Variants in COL28A1 observed in about 807,000 individuals in gnomAD.
The protein encoded by COL28A1 is collagen type XXVIII alpha 1 chain.
In COL28A1, 161 loss-of-function variants were observed where a neutral mutation model predicts 150.2. That is an observed-to-expected ratio of 1.07 (90% CI 0.94 to 1.22). COL28A1 has a LOEUF of 1.22. Among genes scored for constraint, COL28A1 ranks in the 50% most tolerant of loss-of-function variants. COL28A1 has a pLI of 0.00. For synonymous variants in COL28A1, 552 were observed against 469.7 expected (o/e 1.18, Z -2.26); for missense variants, 1,617 against 1,388.3 (o/e 1.16, Z -2.62).
At chr7:7,532,037 C>A (rs534455204) in intron 2 of COL28A1, 133 bp from the exon 3 acceptor site, 67 of 568,668 alleles carry the variant, frequency 1.2e-4, no homozygotes, top group Non-Finnish European at 2.0e-4. Flanking sequence ...AAGAGAGACA[C>A]GTTGGACAGA....
chr7:7,374,341 T>C (rs1326372568), intron 31 of COL28A1, among the ~76,000 whole-genome samples: 2 of 151,984 alleles, frequency 1.3e-5, no homozygotes, highest in Non-Finnish European at 2.9e-5. Flanking sequence ...GATGAAGTAA[T>C]GGGATGAAAA....
At chr7:7,514,533 T>A (rs181074885) in intron 8 of COL28A1, among the ~76,000 whole-genome samples, 2 of 152,340 alleles carry the variant, frequency 1.3e-5, no homozygotes, top group Non-Finnish European at 1.5e-5. Context: ...TTTATTGGCT[T>A]ACATGTAGGC....
At position 7,444,280 on chromosome 7, in the gene COL28A1, G is replaced by C. The variant is rs1209323997; in HGVS notation, c.1581+138C>G. ...CTTCTCTCAGGGAGAAGTGGAAAGG[G>C]ACATTTGGGATTGTGAGATATTTTT... On this transcript the variant is annotated intron_variant, in intron 19 of 34. Coordinates refer to ENST00000399429, the MANE Select transcript of COL28A1 (RefSeq NM_001037763.3). 8.7e-6 allele frequency: 10 copies of C among 1,155,680 alleles called. No homozygotes were observed. The East Asian group carries it at 2.5e-4, about 29-fold the overall frequency. The allele number at this position is 1,155,680 out of a possible 1,614,324, so 71.6% of individuals were successfully genotyped here.
At chr7:7,345,368 A>T in the COL28A1 span, among the ~76,000 whole-genome samples, 1 of 152,038 alleles carries the variant, frequency 6.6e-6, no homozygotes, top group Non-Finnish European at 1.5e-5. Context: ...TGGCTCAGGA[A>T]ATCAAATTAT....
At chr7:7,382,633 T>C (rs984074565) in intron 27 of COL28A1, among the ~76,000 whole-genome samples, 2 of 152,122 alleles carry the variant, frequency 1.3e-5, no homozygotes, top group African/African-American at 4.8e-5. Flanking sequence ...TATTTGACTC[T>C]GGATAATTAT....
chr7:7,540,564 T>G (rs1371643715), upstream of COL28A1, among the ~76,000 whole-genome samples: 2 of 152,254 alleles, frequency 1.3e-5, no homozygotes, highest in African/African-American at 4.8e-5. Flanking sequence ...TTTAGGTCTT[T>G]GTGCATCAAA....
chr7:7,344,824 G>A, the COL28A1 span, among the ~76,000 whole-genome samples: 1 of 152,072 alleles, frequency 6.6e-6, no homozygotes, highest in East Asian at 1.9e-4. Flanking sequence ...GCTGCAATCT[G>A]CTGGAAGGCT....
At chr7:7,347,176 C>T in the COL28A1 span, among the ~76,000 whole-genome samples, 1 of 152,010 alleles carries the variant, frequency 6.6e-6, no homozygotes, top group Admixed American at 6.6e-5. Context: ...TTTGGCCATA[C>T]CAGGCAGTGT....
chr7:7,448,876 C>G (rs1786471956), intron 18 of COL28A1, among the ~76,000 whole-genome samples: 1 of 151,834 alleles, frequency 6.6e-6, no homozygotes, highest in African/African-American at 2.4e-5. Context: ...CCATAAAAAT[C>G]TAGAAAATGC....
rs997116281 is a variant in COL28A1 at position 7,517,918 on chromosome 7, T to G, written c.814-81A>C. The G allele has an allele frequency of 1.6e-5, 25 of 1,579,244 alleles. No individual in the cohort carries two copies. The African/African-American group carries it at 2.4e-4, about 15-fold the overall frequency. On this transcript the variant is annotated intron_variant, in intron 6 of 34. Coordinates refer to ENST00000399429, the MANE Select transcript of COL28A1 (RefSeq NM_001037763.3). ...TCAATAAAATGCATTATACAGAAGA[T>G]TAATAGCTTAGCCCAATTAGGAAAC...
chr7:7,372,469 A>G (rs1057365780), intron 32 of COL28A1, among the ~76,000 whole-genome samples: 1 of 152,072 alleles, frequency 6.6e-6, no homozygotes, highest in Non-Finnish European at 1.5e-5. Context: ...TAAATTCCCG[A>G]TATCAACCTG....
intron 18 of COL28A1, among the ~76,000 whole-genome samples, chr7:7,448,853 A>G (rs1413912239): frequency 6.6e-6 from 1 of 152,088 alleles, no homozygotes; most frequent in Non-Finnish European, 1.5e-5. Context: ...AAAATATCAT[A>G]TAGTATATAA....
intron 27 of COL28A1, among the ~76,000 whole-genome samples, chr7:7,384,292 C>A (rs914498632): frequency 2.0e-5 from 3 of 152,118 alleles, no homozygotes; most frequent in African/African-American, 7.2e-5. Context: ...AGGAGGCTCA[C>A]CCAGAAGAGG....
At chr7:7,538,677 C>G (rs573781838), upstream of COL28A1, among the ~76,000 whole-genome samples, 13 of 152,166 alleles carry the variant, frequency 8.5e-5, no homozygotes, top group Admixed American at 2.0e-4. Flanking sequence ...TAAAAAGAGA[C>G]AAGTCTGCTA....
intron 15 of COL28A1, among the ~76,000 whole-genome samples, chr7:7,472,155 C>T (rs1021367754): frequency 2.6e-5 from 4 of 152,114 alleles, no homozygotes; most frequent in African/African-American, 9.7e-5. Flanking sequence ...ACACATAGTA[C>T]TGGAAGTCCT....
At chr7:7,452,514 T>A in intron 17 of COL28A1, 127 bp from the exon 18 acceptor site, 1 of 1,339,246 alleles carries the variant, frequency 7.5e-7, no homozygotes, top group Non-Finnish European at 9.7e-7. Flanking sequence ...ATATATTGCC[T>A]GAAATCCCTT....
At position 7,521,936 on chromosome 7, in the gene COL28A1, T is replaced by G; in HGVS notation, c.728A>C (p.Glu243Ala). Residue 243 changes from glutamate to alanine, a missense_variant, in exon 5 of 35, where the codon GAG (glutamate) becomes GCG (alanine). Glu to Ala is a moderately radical substitution (Grantham distance 107). Coordinates refer to ENST00000399429, the MANE Select transcript of COL28A1 (RefSeq NM_001037763.3). ...KKCERKICEC[E>A]KGDPGDPGPP... The stretch of plus-strand genomic sequence containing the variant: ...CCCTGGATCACCTGGATCTCCCTTC[T>G]CACATTCACAAATCTTGCGTTCACA... The G allele has an allele frequency of 8.6e-7, 1 of 1,156,186 alleles. No homozygotes were observed. Among genetic ancestry groups the G allele is most frequent in the Non-Finnish European group, 1.3e-6 (1 of 761,210 alleles). 71.6% of individuals were successfully genotyped at this position (1,156,186 alleles called of 1,614,324 possible).
In COL28A1 at chr7:7,442,990, G is replaced by A. The variant is rs28399265; in HGVS notation, c.1650+595C>T. 1.9e-3 allele frequency among the ~76,000 whole-genome samples: 285 copies of A among 150,894 alleles called. 2 individuals carry two copies. The highest frequency in any genetic ancestry group is 6.6e-3 in the African/African-American group (268 of 40,872). On this transcript the variant is annotated intron_variant, in intron 20 of 34. Transcript: ENST00000399429. Reference sequence around the variant, plus strand: ...GCGGAGGTTGTAGTGAGCCAAGATCGTGCCACTGCACTCCAGCCTGTGGGA... The same window carrying A: ...GCGGAGGTTGTAGTGAGCCAAGATCATGCCACTGCACTCCAGCCTGTGGGA...
At chr7:7,354,840 G>A (rs1026491497), downstream of COL28A1, among the ~76,000 whole-genome samples, 3 of 152,122 alleles carry the variant, frequency 2.0e-5, no homozygotes, top group Non-Finnish European at 4.4e-5. Context: ...TTATGCAGCC[G>A]TTATTCAAGG....
Sources: allele counts gnomAD v4.1 joint callset (sites outside exome capture counted in the v4.1 genomes callset), GRCh38; gene constraint gnomAD v4.1.1; transcripts MANE v1.5; gene names NCBI Gene and HGNC (gene_info 2026-07-23, HGNC 2026-07-21).